SMC5: variants seen among roughly 807,000 people sequenced by gnomAD.
The protein encoded by SMC5 is structural maintenance of chromosomes protein 5.
Under a neutral mutation model 148.3 loss-of-function variants are expected in SMC5, and 88 were observed. The ratio of observed to expected loss-of-function variants is 0.59; its 90% confidence interval spans 0.50 to 0.71. The LOEUF is 0.71. Among genes scored for constraint, SMC5 ranks in the 30% least tolerant of loss-of-function variants. The pLI is 0.00. For missense variants in SMC5, 1,142 were observed against 1,298.9 expected (o/e 0.88, Z 1.86); for synonymous variants, 421 against 432.8 (o/e 0.97, Z 0.34).
At chr9:70,276,166 G>C (rs2034588198) in intron 3 of SMC5, among the ~76,000 whole-genome samples, 1 of 152,190 alleles carries the variant, frequency 6.6e-6, no homozygotes. Context: ...TAGCAGTGAA[G>C]TATTTCTAGT....
intron 17 of SMC5, among the ~76,000 whole-genome samples, chr9:70,331,550 A>G (rs1434535871): frequency 6.6e-6 from 1 of 151,878 alleles, no homozygotes. Context: ...TTGCCACAAT[A>G]TTTATGAAGG....
At chr9:70,318,245 AGGCGTGGT>A (rs1330613172) in intron 13 of SMC5, among the ~76,000 whole-genome samples, 1 of 152,068 alleles carries the variant, frequency 6.6e-6, no homozygotes, top group Non-Finnish European at 1.5e-5. Flanking sequence ...TTAATTAACC[AGGCGTGGT>A]GGCACATGCC....
At chr9:70,306,133 A>G (rs2035489709) in intron 11 of SMC5, among the ~76,000 whole-genome samples, 1 of 152,208 alleles carries the variant, frequency 6.6e-6, no homozygotes, top group Non-Finnish European at 1.5e-5. Context: ...TCTTATATAT[A>G]TACGGTTAGC....
At chr9:70,341,293 A>C (rs1048170207) in intron 17 of SMC5, among the ~76,000 whole-genome samples, 6 of 152,204 alleles carry the variant, frequency 3.9e-5, no homozygotes, top group African/African-American at 1.2e-4. Context: ...CTAAGTCCAG[A>C]GCTTCAAATT....
At chr9:70,325,961 G>A (rs1231445363) in intron 17 of SMC5, among the ~76,000 whole-genome samples, 2 of 151,946 alleles carry the variant, frequency 1.3e-5, no homozygotes. Flanking sequence ...ATACCAAAAA[G>A]ATACACAAAG....
chr9:70,292,507 T>A (rs1035590315), intron 8 of SMC5, among the ~76,000 whole-genome samples: 1 of 152,204 alleles, frequency 6.6e-6, no homozygotes, highest in Admixed American at 6.5e-5. Flanking sequence ...TTTTCTTACG[T>A]TATTGCATTG....
At chr9:70,339,869 T>C (rs2036472079) in intron 17 of SMC5, among the ~76,000 whole-genome samples, 1 of 152,196 alleles carries the variant, frequency 6.6e-6, no homozygotes. Flanking sequence ...TCTTTGGTAA[T>C]GTCACTAACT....
chr9:70,341,208 A>G (rs1209172805), intron 17 of SMC5, among the ~76,000 whole-genome samples: 1 of 152,234 alleles, frequency 6.6e-6, no homozygotes, highest in Non-Finnish European at 1.5e-5. Context: ...ACACATATGT[A>G]TAGAATATTT....
intron 17 of SMC5, among the ~76,000 whole-genome samples, chr9:70,333,298 C>T (rs1002197771): frequency 6.6e-6 from 1 of 152,122 alleles, no homozygotes; most frequent in Non-Finnish European, 1.5e-5. Flanking sequence ...GTACTATTTA[C>T]AATAGCATCA....
chr9:70,319,132 A>G (rs1477122721), intron 15 of SMC5, among the ~76,000 whole-genome samples, 169 bp downstream of exon 15: 2 of 152,172 alleles, frequency 1.3e-5, no homozygotes, highest in Non-Finnish European at 2.9e-5. Context: ...GCAAAAGGAG[A>G]TGAATCTTGA....
chr9:70,334,645 G>GACACA (rs1200037721), intron 17 of SMC5, among the ~76,000 whole-genome samples: 4 of 152,068 alleles, frequency 2.6e-5, no homozygotes, highest in Non-Finnish European at 5.9e-5. Flanking sequence ...GTGTGTGTGT[G>GACACA]TATAATGTGA....
At chr9:70,292,969 C>T (rs1216619543) in intron 8 of SMC5, among the ~76,000 whole-genome samples, 3 of 152,072 alleles carry the variant, frequency 2.0e-5, no homozygotes, top group African/African-American at 7.2e-5. Flanking sequence ...CTTGTATTCT[C>T]TGCCTAGTTT....
chr9:70,266,228 T>C (rs533063404), intron 2 of SMC5, among the ~76,000 whole-genome samples: 14 of 152,218 alleles, frequency 9.2e-5, no homozygotes, highest in Non-Finnish European at 1.9e-4. Flanking sequence ...AAATTCCCCT[T>C]AAGATTATAA....
chr9:70,343,863 A>G (rs954955306), intron 17 of SMC5, among the ~76,000 whole-genome samples: 1 of 152,088 alleles, frequency 6.6e-6, no homozygotes, highest in South Asian at 2.1e-4. Context: ...ATATAATTAC[A>G]TGGAGCTAAG....
Position 70,267,993 on chromosome 9 carries a change from T to C in SMC5, c.380+18T>C, listed in dbSNP as rs374167232. The C allele has an allele frequency of 3.1e-6, 5 of 1,593,716 alleles. No homozygotes were observed. Among genetic ancestry groups the C allele is most frequent in the African/African-American group, 2.7e-5 (2 of 73,922 alleles). On this transcript the variant is annotated intron_variant, in intron 3 of 24. Transcript: ENST00000361138. ...ATTGAATTGTAAGTGTTAAAAGTGC[T>C]AAAACTCCTTTTTCCTATAAAATTC...
At position 70,323,499 on chromosome 9, in the gene SMC5, C is replaced by T; in HGVS notation, c.2167C>T (p.Gln723Ter). 6.2e-7 allele frequency: 1 copy of T among 1,610,450 alleles called. No individual in the cohort carries two copies. The highest frequency in any genetic ancestry group is 8.5e-7 in the Non-Finnish European group (1 of 1,179,226). Residue 723 changes from glutamine to a stop codon, truncating the protein, a stop_gained, in exon 16 of 25, where the codon CAG (glutamine) becomes TAG (stop). Coordinates refer to ENST00000361138, the MANE Select transcript of SMC5 (RefSeq NM_015110.4). LOFTEE classifies it high-confidence loss of function. ...GTCATACAGTTTAAAGCTGATGGAACAGGATACTTGCAATCTTGAAGAGGA... is the reference window on the plus strand; with the variant it reads ...GTCATACAGTTTAAAGCTGATGGAATAGGATACTTGCAATCTTGAAGAGGA... ...SKLGSLKLME[Q>*]DTCNLEEEER... is the part of the protein sequence containing the mutation.
chr9:70,274,778 G>T (rs1431478975), intron 3 of SMC5, among the ~76,000 whole-genome samples: 1 of 151,924 alleles, frequency 6.6e-6, no homozygotes, highest in Non-Finnish European at 1.5e-5. Context: ...ATTTTAGCAG[G>T]TATACTTGCT....
intron 17 of SMC5, among the ~76,000 whole-genome samples, chr9:70,342,140 C>CA (rs1179110246): frequency 2.7e-5 from 4 of 150,348 alleles, no homozygotes; most frequent in Admixed American, 1.3e-4. Flanking sequence ...ATCACAAGGA[C>CA]AAAAAACCAA....
intron 15 of SMC5, among the ~76,000 whole-genome samples, chr9:70,322,517 T>C (rs1366411691): frequency 6.6e-6 from 1 of 152,238 alleles, no homozygotes; most frequent in Non-Finnish European, 1.5e-5. Flanking sequence ...TTATTTTCTT[T>C]GCATGTTCCT....
Sources: gnomAD v4.1 joint callset for allele counts (sites outside exome capture counted in the v4.1 genomes callset) on GRCh38, gnomAD v4.1.1 for gene constraint, MANE v1.5 for transcripts, NCBI Gene and HGNC (gene_info 2026-07-23, HGNC 2026-07-21) for gene names.